The following LRP1B variants were observed in gnomAD, a reference collection of about 807,000 sequenced individuals.
LRP1B encodes LDL receptor related protein 1B, also known as low-density lipoprotein receptor-related protein 1B.
A neutral mutation model predicts 556.6 loss-of-function variants in LRP1B; 217 were observed. The observed-to-expected ratio is 0.39, with a 90% CI of 0.35 to 0.44. The LOEUF is 0.44. Among genes scored for constraint, LRP1B ranks in the 20% least tolerant of loss-of-function variants. The probability of loss-of-function intolerance (pLI) is 1.00; values close to 1 mark genes in which losing one functional copy is unlikely to be tolerated. For synonymous variants in LRP1B, 2,047 were observed against 1,865.8 expected, an observed-to-expected ratio of 1.10 and a Z score of -2.50; for missense variants, 5,053 against 5,620.8, an observed-to-expected ratio of 0.90 and a Z score of 3.23.
intron 7 of LRP1B, among the ~76,000 whole-genome samples, chr2:141,138,867 A>G (rs1460845434): frequency 6.6e-6 from 1 of 151,906 alleles, no homozygotes; most frequent in Non-Finnish European, 1.5e-5. Context: ...AAATGATTTA[A>G]AAATTCACAT....
chr2:141,032,929 C>T (rs1262597255), intron 11 of LRP1B, among the ~76,000 whole-genome samples: 6 of 150,752 alleles, frequency 4.0e-5, no homozygotes, highest in East Asian at 3.9e-4. Context: ...TTTCCCCATA[C>T]GCACACAGGC....
chr2:141,650,850 CT>C (rs1457587738), intron 2 of LRP1B, among the ~76,000 whole-genome samples: 1 of 152,078 alleles, frequency 6.6e-6, no homozygotes, highest in Non-Finnish European at 1.5e-5. Flanking sequence ...TCTTAAATAT[CT>C]CTCATTCTAC....
At chr2:140,726,307 C>CT (rs1687591884) in intron 35 of LRP1B, among the ~76,000 whole-genome samples, 1 of 152,050 alleles carries the variant, frequency 6.6e-6, no homozygotes, top group Admixed American at 6.6e-5. Context: ...TGAGGGAAGT[C>CT]TTTAACTTGC....
chr2:142,112,593 T>A (rs543252636), intron 1 of LRP1B, among the ~76,000 whole-genome samples: 1 of 152,110 alleles, frequency 6.6e-6, no homozygotes, highest in Non-Finnish European at 1.5e-5. Context: ...CATTGCTCTG[T>A]GATTTTCCAG....
At chr2:142,103,359 T>C (rs1306937300) in intron 1 of LRP1B, among the ~76,000 whole-genome samples, 2 of 151,992 alleles carry the variant, frequency 1.3e-5, no homozygotes, top group Non-Finnish European at 2.9e-5. Flanking sequence ...AATGTATATA[T>C]ACAAGTCTAT....
At chr2:141,150,914 T>TGTGTGTGTGTGTGTGTGTGTG (rs1558894867) in intron 7 of LRP1B, among the ~76,000 whole-genome samples, 2 of 150,914 alleles carry the variant, frequency 1.3e-5, no homozygotes, top group African/African-American at 4.9e-5. Flanking sequence ...TGTGTGTGTG[T>TGTGTGTGTGTGTGTGTGTGTG]TTGCCATGCT....
chr2:141,882,838 G>T (rs965796673), intron 1 of LRP1B, among the ~76,000 whole-genome samples: 3 of 152,124 alleles, frequency 2.0e-5, no homozygotes, highest in African/African-American at 7.2e-5. Flanking sequence ...CTCTCAAAGT[G>T]CAGGGGTTAT....
At chr2:141,218,414 G>GA (rs1194903433) in intron 6 of LRP1B, among the ~76,000 whole-genome samples, 3 of 152,104 alleles carry the variant, frequency 2.0e-5, no homozygotes, top group Non-Finnish European at 2.9e-5. Flanking sequence ...ATTGGATAAA[G>GA]AAAATATGGT....
chr2:140,959,730 CCTTTT>C (rs1182532249), intron 18 of LRP1B, among the ~76,000 whole-genome samples: 1 of 151,490 alleles, frequency 6.6e-6, no homozygotes, highest in Non-Finnish European at 1.5e-5. Flanking sequence ...GAAATTTCAG[CCTTTT>C]ATTTTTAGTG....
intron 7 of LRP1B, among the ~76,000 whole-genome samples, chr2:141,073,671 GCT>G (rs1402394988): frequency 6.6e-6 from 1 of 151,898 alleles, no homozygotes; most frequent in Non-Finnish European, 1.5e-5. Flanking sequence ...TTAAATTCCT[GCT>G]CTTTCTTTCC....
At chr2:141,312,465 C>T (rs191670477) in intron 3 of LRP1B, among the ~76,000 whole-genome samples, 38 of 152,118 alleles carry the variant, frequency 2.5e-4, no homozygotes, top group African/African-American at 8.7e-4. Context: ...GGTTTCTGGG[C>T]AACAATAGGC....
At chr2:140,307,749 G>A (rs1434579601) in intron 83 of LRP1B, among the ~76,000 whole-genome samples, 1 of 151,760 alleles carries the variant, frequency 6.6e-6, no homozygotes, top group Non-Finnish European at 1.5e-5. Flanking sequence ...TTTGATATGG[G>A]CAGATAGTGT....
At chr2:140,628,347 G>A (rs1232407794) in intron 41 of LRP1B, among the ~76,000 whole-genome samples, 3 of 152,116 alleles carry the variant, frequency 2.0e-5, no homozygotes, top group Admixed American at 6.6e-5. Flanking sequence ...TGGCTAACAC[G>A]TGAAACCCCG....
intron 3 of LRP1B, among the ~76,000 whole-genome samples, chr2:141,292,778 C>T (rs771969027): frequency 6.6e-5 from 10 of 152,072 alleles, no homozygotes; most frequent in South Asian, 2.1e-4. Context: ...TGAGATACTG[C>T]CACAGCTAAC....
chr2:141,419,965 T>C (rs549818694), intron 3 of LRP1B, among the ~76,000 whole-genome samples: 1 of 152,308 alleles, frequency 6.6e-6, no homozygotes, highest in South Asian at 2.1e-4. Flanking sequence ...TCTGTGTACT[T>C]GAGAAAAGTG....
chr2:141,113,850 C>T (rs1448804857), intron 7 of LRP1B, among the ~76,000 whole-genome samples: 1 of 152,048 alleles, frequency 6.6e-6, no homozygotes, highest in Non-Finnish European at 1.5e-5. Context: ...TGGTAGCAGT[C>T]ACTATTAGGA....
chr2:142,128,465 C>A (rs1707735534), intron 1 of LRP1B, among the ~76,000 whole-genome samples: 1 of 152,172 alleles, frequency 6.6e-6, no homozygotes, highest in South Asian at 2.1e-4. Flanking sequence ...ATTCCCATAT[C>A]TTCTGTTTCA....
At chr2:140,302,209 T>C (rs562810334) in intron 83 of LRP1B, among the ~76,000 whole-genome samples, 1 of 152,184 alleles carries the variant, frequency 6.6e-6, no homozygotes, top group African/African-American at 2.4e-5. Context: ...TACCCAATTT[T>C]ATGGCTTAAA....
chr2:140,938,782 C>T (rs1302195631), intron 20 of LRP1B, among the ~76,000 whole-genome samples: 1 of 151,468 alleles, frequency 6.6e-6, no homozygotes, highest in African/African-American at 2.4e-5. Context: ...CCCTTTTCTT[C>T]CCCTATATTA....
Sources: gnomAD v4.1 joint callset for allele counts (sites outside exome capture counted in the v4.1 genomes callset) on GRCh38, gnomAD v4.1.1 for gene constraint, MANE v1.5 for transcripts, NCBI Gene and HGNC (gene_info 2026-07-23, HGNC 2026-07-21) for gene names.